Variants in HCN1 observed in about 807,000 individuals in gnomAD.
The protein encoded by HCN1 is hyperpolarization activated cyclic nucleotide gated potassium channel 1.
A neutral mutation model predicts 78.9 loss-of-function variants in HCN1; 13 were observed. That is an observed-to-expected ratio of 0.16 (90% confidence interval 0.11 to 0.26). HCN1 has a LOEUF of 0.26. Among genes scored for constraint, HCN1 ranks in the 10% least tolerant of loss-of-function variants. The probability of loss-of-function intolerance (pLI) is 1.00; values close to 1 mark genes in which losing one functional copy is unlikely to be tolerated. For missense variants in HCN1, 810 were observed against 1,154.3 expected (o/e 0.70, Z 4.32); for synonymous variants, 552 against 455.5 (o/e 1.21, Z -2.70).
At chr5:45,654,188 ATT>A (rs1745727557) in intron 1 of HCN1, among the ~76,000 whole-genome samples, 1 of 152,096 alleles carries the variant, frequency 6.6e-6, no homozygotes, top group Non-Finnish European at 1.5e-5. Context: ...TAACCCATGA[ATT>A]ATATTTCTGT....
At chr5:45,567,879 A>G (rs1409462558) in intron 2 of HCN1, among the ~76,000 whole-genome samples, 1 of 148,672 alleles carries the variant, frequency 6.7e-6, no homozygotes, top group African/African-American at 2.5e-5. Flanking sequence ...TGTAAAATGC[A>G]TAACACCTCT....
intron 6 of HCN1, among the ~76,000 whole-genome samples, chr5:45,300,267 A>C (rs2111899393): frequency 6.6e-6 from 1 of 152,044 alleles, no homozygotes; most frequent in Admixed American, 6.6e-5. Context: ...TTATCCCCAA[A>C]CCTGGCCTAT....
intron 1 of HCN1, among the ~76,000 whole-genome samples, chr5:45,689,500 T>C (rs947391380): frequency 2.6e-5 from 4 of 152,046 alleles, no homozygotes; most frequent in Non-Finnish European, 4.4e-5. Context: ...TGCACAATGA[T>C]TAAATGGAAA....
intron 3 of HCN1, among the ~76,000 whole-genome samples, chr5:45,405,027 T>C (rs1739893866): frequency 1.3e-5 from 2 of 152,122 alleles, no homozygotes; most frequent in Admixed American, 1.3e-4. Context: ...AACCAACTGC[T>C]AAAATATTGA....
intron 2 of HCN1, among the ~76,000 whole-genome samples, chr5:45,568,930 G>C (rs1187401872): frequency 6.6e-6 from 1 of 151,940 alleles, no homozygotes; most frequent in Non-Finnish European, 1.5e-5. Context: ...CTGAACTAAG[G>C]CTCAGAAACC....
At chr5:45,640,356 T>C (rs921948669) in intron 2 of HCN1, among the ~76,000 whole-genome samples, 4 of 152,154 alleles carry the variant, frequency 2.6e-5, no homozygotes, top group African/African-American at 9.7e-5. Context: ...CCTGCACTAA[T>C]ATACAAAAAG....
intron 4 of HCN1, among the ~76,000 whole-genome samples, chr5:45,373,161 A>T (rs1323179156): frequency 8.2e-6 from 1 of 122,508 alleles, no homozygotes; most frequent in African/African-American, 3.4e-5. Flanking sequence ...ATAAAAATAT[A>T]TGTACTTTAT....
intron 2 of HCN1, among the ~76,000 whole-genome samples, chr5:45,509,599 C>T (rs1264091074): frequency 6.6e-6 from 1 of 152,086 alleles, no homozygotes; most frequent in Non-Finnish European, 1.5e-5. Flanking sequence ...ATTTAAAATG[C>T]TCCCAAAATT....
intron 4 of HCN1, among the ~76,000 whole-genome samples, chr5:45,382,160 T>C (rs1052380816): frequency 1.3e-5 from 2 of 152,220 alleles, no homozygotes; most frequent in Non-Finnish European, 2.9e-5. Context: ...CAGAAAGGAC[T>C]TCTCCAACTA....
chr5:45,338,951 G>A (rs905497720), intron 5 of HCN1, among the ~76,000 whole-genome samples: 11 of 152,058 alleles, frequency 7.2e-5, no homozygotes, highest in Admixed American at 6.6e-4. Context: ...CTTATGTATA[G>A]CATTAAACTT....
intron 2 of HCN1, among the ~76,000 whole-genome samples, chr5:45,614,876 T>C (rs1050011547): frequency 6.6e-6 from 1 of 151,930 alleles, no homozygotes; most frequent in Admixed American, 6.6e-5. Context: ...CTCCCAATAA[T>C]TTGAAATTCA....
At chr5:45,302,839 T>C (rs1401699679) in intron 6 of HCN1, among the ~76,000 whole-genome samples, 3 of 151,950 alleles carry the variant, frequency 2.0e-5, no homozygotes, top group Admixed American at 6.6e-5. Flanking sequence ...CATCAGGGGT[T>C]TCTGCTTTTG....
chr5:45,412,201 C>T (rs183666521), intron 3 of HCN1, among the ~76,000 whole-genome samples: 2 of 152,116 alleles, frequency 1.3e-5, no homozygotes, highest in Non-Finnish European at 2.9e-5. Context: ...TTTTCCTGAG[C>T]TAGTTCTAAA....
intron 2 of HCN1, among the ~76,000 whole-genome samples, chr5:45,582,497 T>A (rs372933652): frequency 1.3e-5 from 2 of 152,162 alleles, no homozygotes; most frequent in Non-Finnish European, 2.9e-5. Flanking sequence ...CTTTTCCTAA[T>A]TGAATACCCT....
At chr5:45,532,736 T>A (rs1273356508) in intron 2 of HCN1, among the ~76,000 whole-genome samples, 4 of 152,172 alleles carry the variant, frequency 2.6e-5, no homozygotes, top group African/African-American at 9.6e-5. Flanking sequence ...AAGACAGTGG[T>A]CAGAATCTCT....
At chr5:45,479,765 G>T (rs1402949253) in intron 2 of HCN1, among the ~76,000 whole-genome samples, 1 of 152,156 alleles carries the variant, frequency 6.6e-6, no homozygotes, top group Non-Finnish European at 1.5e-5. Flanking sequence ...TAACCCATTG[G>T]AAATATCCTG....
chr5:45,628,808 C>T (rs1278428122), intron 2 of HCN1, among the ~76,000 whole-genome samples: 1 of 151,672 alleles, frequency 6.6e-6, no homozygotes, highest in Non-Finnish European at 1.5e-5. Flanking sequence ...CCTGTCTCTT[C>T]TAAAACTACA....
intron 1 of HCN1, among the ~76,000 whole-genome samples, chr5:45,649,946 T>C (rs1201788308): frequency 1.3e-5 from 2 of 152,054 alleles, no homozygotes; most frequent in African/African-American, 2.4e-5. Flanking sequence ...CAGAATATGT[T>C]AAAATAAATA....
intron 5 of HCN1, among the ~76,000 whole-genome samples, chr5:45,327,291 A>C (rs1202327769): frequency 6.6e-6 from 1 of 151,774 alleles, no homozygotes; most frequent in Non-Finnish European, 1.5e-5. Flanking sequence ...TGAACTAAAA[A>C]ATATTATTAA....
Sources: allele counts gnomAD v4.1 joint callset (sites outside exome capture counted in the v4.1 genomes callset), GRCh38; gene constraint gnomAD v4.1.1; transcripts MANE v1.5; gene names NCBI Gene and HGNC (gene_info 2026-07-23, HGNC 2026-07-21).